Variants in PGCKA1 observed in about 807,000 individuals in gnomAD.
PGCKA1 encodes PDCD10 and GCKIII kinases associated 1, also known as PDCD10 and GCKIII kinases-associated protein 1.
chr4:37,576,440 A>G, the PGCKA1 span, among the ~76,000 whole-genome samples: 1 of 152,016 alleles, frequency 6.6e-6, no homozygotes, highest in Non-Finnish European at 1.5e-5. Context: ...GTATCCTGTG[A>G]CTTTACTTAA....
the PGCKA1 span, among the ~76,000 whole-genome samples, chr4:37,572,841 T>C: frequency 2.0e-5 from 3 of 152,210 alleles, no homozygotes; most frequent in South Asian, 6.2e-4. Flanking sequence ...TCAAGTGTGG[T>C]ATCATGTAGG....
chr4:37,553,864 A>G, the PGCKA1 span, among the ~76,000 whole-genome samples: 1 of 152,212 alleles, frequency 6.6e-6, no homozygotes, highest in Non-Finnish European at 1.5e-5. Context: ...TGATGAAACC[A>G]TGGCTTTCTC....
At chr4:37,521,143 G>A in the PGCKA1 span, among the ~76,000 whole-genome samples, 1 of 151,890 alleles carries the variant, frequency 6.6e-6, no homozygotes, top group African/African-American at 2.4e-5. Context: ...TTTTTAAGAT[G>A]TATCATTAGA....
chr4:37,504,199 C>G, the PGCKA1 span, among the ~76,000 whole-genome samples: 58,214 of 151,900 alleles, frequency 0.38, 11,509 homozygotes, highest in African/African-American at 0.46. Context: ...TCATTGCCAA[C>G]GTACACTCTT....
At chr4:37,517,175 C>T in the PGCKA1 span, among the ~76,000 whole-genome samples, 2 of 151,412 alleles carry the variant, frequency 1.3e-5, no homozygotes, top group Admixed American at 6.6e-5. Flanking sequence ...CACTTGAACC[C>T]GGGAGGCGGA....
the PGCKA1 span, among the ~76,000 whole-genome samples, chr4:37,500,317 A>G: frequency 4.6e-5 from 7 of 152,174 alleles, no homozygotes; most frequent in South Asian, 2.1e-4. Context: ...GGTACGTTGT[A>G]TCTTTGTTCT....
the PGCKA1 span, among the ~76,000 whole-genome samples, chr4:37,508,540 A>T: frequency 6.6e-6 from 1 of 151,802 alleles, no homozygotes; most frequent in Non-Finnish European, 1.5e-5. Context: ...TTTTATTCTT[A>T]AACTTTTTAT....
At chr4:37,509,753 G>A in the PGCKA1 span, among the ~76,000 whole-genome samples, 2 of 151,438 alleles carry the variant, frequency 1.3e-5, no homozygotes, top group Non-Finnish European at 1.5e-5. Context: ...TCGTGGTTAG[G>A]AGCTGAAGAC....
chr4:37,518,672 T>C, the PGCKA1 span, among the ~76,000 whole-genome samples: 3 of 152,198 alleles, frequency 2.0e-5, no homozygotes, highest in African/African-American at 7.2e-5. Flanking sequence ...TGATTATGAA[T>C]CCCTTGTCAA....
chr4:37,487,332 G>A, the PGCKA1 span, among the ~76,000 whole-genome samples: 2 of 152,136 alleles, frequency 1.3e-5, no homozygotes, highest in Non-Finnish European at 2.9e-5. Context: ...ATATTTGCCT[G>A]ATCACATATG....
chr4:37,565,531 A>C, the PGCKA1 span, among the ~76,000 whole-genome samples: 3 of 152,156 alleles, frequency 2.0e-5, no homozygotes, highest in African/African-American at 7.2e-5. Context: ...GCTCTTCCAC[A>C]GAGTTATTGT....
At chr4:37,491,350 T>C in the PGCKA1 span, among the ~76,000 whole-genome samples, 15 of 152,322 alleles carry the variant, frequency 9.8e-5, no homozygotes, top group Non-Finnish European at 2.1e-4. Flanking sequence ...ATTAGAAAAA[T>C]ATTCAATTTA....
chr4:37,513,981 A>G, the PGCKA1 span, among the ~76,000 whole-genome samples: 1 of 152,214 alleles, frequency 6.6e-6, no homozygotes, highest in Non-Finnish European at 1.5e-5. Context: ...GTGCTGCTGT[A>G]ACAGAACACC....
the PGCKA1 span, among the ~76,000 whole-genome samples, chr4:37,553,498 G>A: frequency 0.023 from 3,506 of 152,178 alleles, 129 homozygotes; most frequent in African/African-American, 0.079. Flanking sequence ...ATATATTGCT[G>A]AAATAAACTA....
At chr4:37,592,650 C>A in the PGCKA1 span, among the ~76,000 whole-genome samples, 1 of 152,212 alleles carries the variant, frequency 6.6e-6, no homozygotes, top group Non-Finnish European at 1.5e-5. Context: ...TTTTGTAACA[C>A]AGAATTGAAA....
chr4:37,477,608 A>C, the PGCKA1 span, among the ~76,000 whole-genome samples: 1 of 152,230 alleles, frequency 6.6e-6, no homozygotes, highest in Non-Finnish European at 1.5e-5. Flanking sequence ...CTTCTAAGGA[A>C]TTTCGGTAAC....
the PGCKA1 span, among the ~76,000 whole-genome samples, chr4:37,536,777 G>C: frequency 6.6e-6 from 1 of 152,216 alleles, no homozygotes. Context: ...GGGCCTAGTT[G>C]TGTTCCAATA....
chr4:37,591,209 T>C, the PGCKA1 span: 4 of 479,460 alleles, frequency 8.3e-6, no homozygotes, highest in Non-Finnish European at 1.5e-5. Context: ...TGAGCTGTCA[T>C]TCAGGACACT....
At chr4:37,463,203 C>T in the PGCKA1 span, among the ~76,000 whole-genome samples, 1 of 152,092 alleles carries the variant, frequency 6.6e-6, no homozygotes, top group South Asian at 2.1e-4. Context: ...CCTGTGGCAG[C>T]GTCTCCCAGC....
Sources: allele counts gnomAD v4.1 joint callset (sites outside exome capture counted in the v4.1 genomes callset), GRCh38; gene constraint gnomAD v4.1.1; transcripts MANE v1.5; gene names NCBI Gene and HGNC (gene_info 2026-07-23, HGNC 2026-07-21).